Variants in CLEC18A observed in about 807,000 individuals in gnomAD.
CLEC18A encodes the protein C-type lectin domain family 18 member A.
CLEC18A carries 5 observed loss-of-function variants against 24.0 expected under a neutral mutation model. The ratio of observed to expected loss-of-function variants is 0.21; its 90% CI spans 0.11 to 0.44. The LOEUF is 0.44. CLEC18A is among the 20% of genes least tolerant of loss of function. The pLI is 0.99. For synonymous variants in CLEC18A, 29 were observed against 100.1 expected, an observed-to-expected ratio of 0.29 and a Z score of 4.24; for missense variants, 83 against 233.4, an observed-to-expected ratio of 0.36 and a Z score of 4.20.
chr16:69,945,019 A>T, the CLEC18A span, among the ~76,000 whole-genome samples: 2 of 146,058 alleles, frequency 1.4e-5, no homozygotes, highest in Non-Finnish European at 3.0e-5. Context: ...GTGCATGCCC[A>T]TAGTCCCAAC....
At chr16:69,958,800 A>T in intron 3 of CLEC18A, 142 bp from the exon 4 acceptor site, 1 of 295,420 alleles carries the variant, frequency 3.4e-6, no homozygotes, top group Middle Eastern at 1.0e-3. Flanking sequence ...CCATGCTTCT[A>T]CCCCTGCCCA....
At chr16:69,945,185 G>A in the CLEC18A span, among the ~76,000 whole-genome samples, 1 of 148,380 alleles carries the variant, frequency 6.7e-6, no homozygotes, top group African/African-American at 2.6e-5. Context: ...ACCTGCTCAG[G>A]AGGCTGAGGC....
chr16:69,958,684 A>G (rs2059060564), intron 3 of CLEC18A, among the ~76,000 whole-genome samples: 1 of 87,694 alleles, frequency 1.1e-5, no homozygotes, highest in Non-Finnish European at 2.0e-5. Context: ...GTGAGCCAAG[A>G]TCAGGCCATT....
chr16:69,964,606 T>G (rs1959300856), downstream of CLEC18A, among the ~76,000 whole-genome samples: 1 of 150,782 alleles, frequency 6.6e-6, no homozygotes, highest in African/African-American at 2.4e-5. Context: ...TTCACGCCAT[T>G]GTCCTGCCTC....
chr16:69,965,434 G>A (rs1959352723), downstream of CLEC18A, among the ~76,000 whole-genome samples: 2 of 152,008 alleles, frequency 1.3e-5, no homozygotes, highest in Admixed American at 1.3e-4. Context: ...GCGCCCGGAG[G>A]GGCCGCCCTG....
At chr16:69,964,646 C>G (rs1394266461), downstream of CLEC18A, among the ~76,000 whole-genome samples, 3 of 151,154 alleles carry the variant, frequency 2.0e-5, 1 homozygote, top group South Asian at 4.3e-4. Flanking sequence ...ACTACAGACG[C>G]CCGCCACCAC....
intron 3 of CLEC18A, among the ~76,000 whole-genome samples, chr16:69,955,283 G>C (rs1343361579): frequency 6.6e-6 from 1 of 151,774 alleles, no homozygotes; most frequent in African/African-American, 2.4e-5. Context: ...GATTACAGGC[G>C]TGAGCCACCA....
chr16:69,953,045 GA>G (rs1220989797), intron 2 of CLEC18A: 2 of 150,804 alleles, frequency 1.3e-5, no homozygotes, highest in African/African-American at 5.0e-5. Context: ...GGGACCCCAG[GA>G]GGGGCTGCGG....
downstream of CLEC18A, among the ~76,000 whole-genome samples, chr16:69,965,527 G>T (rs868835371): frequency 1.3e-5 from 2 of 151,072 alleles, no homozygotes; most frequent in Non-Finnish European, 2.9e-5. Context: ...CGGGGCGGCC[G>T]AGCCGAGACC....
intron 3 of CLEC18A, among the ~76,000 whole-genome samples, chr16:69,955,657 C>T (rs1375472243): frequency 2.0e-5 from 3 of 147,208 alleles, no homozygotes; most frequent in South Asian, 2.2e-4. Context: ...CAGCCTCAAA[C>T]GTAAATTTAA....
chr16:69,965,382 C>T (rs1394429579), downstream of CLEC18A, among the ~76,000 whole-genome samples: 2 of 152,024 alleles, frequency 1.3e-5, no homozygotes, highest in Non-Finnish European at 2.9e-5. Flanking sequence ...GCCTCTTCCT[C>T]CCGGACCCGG....
At chr16:69,948,428 G>T (rs1216876648), upstream of CLEC18A, among the ~76,000 whole-genome samples, 1 of 150,056 alleles carries the variant, frequency 6.7e-6, no homozygotes, top group African/African-American at 2.5e-5. Flanking sequence ...AAGATTTCAA[G>T]GCTTTAAAGA....
At chr16:69,955,272 G>T (rs1414098845) in intron 3 of CLEC18A, among the ~76,000 whole-genome samples, 1 of 152,072 alleles carries the variant, frequency 6.6e-6, no homozygotes, top group Non-Finnish European at 1.5e-5. Flanking sequence ...CAAAGTGCTG[G>T]GATTACAGGC....
upstream of CLEC18A, among the ~76,000 whole-genome samples, chr16:69,946,656 G>A (rs537969043): frequency 3.9e-3 from 589 of 149,556 alleles, 3 homozygotes; most frequent in African/African-American, 0.014. Context: ...CATCTGCCTC[G>A]GTCTCGGAAA....
At chr16:69,956,979 C>A (rs2059046006) in intron 3 of CLEC18A, among the ~76,000 whole-genome samples, 1 of 150,312 alleles carries the variant, frequency 6.7e-6, no homozygotes, top group South Asian at 2.2e-4. Flanking sequence ...GTTGGGATTA[C>A]AGGCTTGAGC....
chr16:69,965,474 G>A (rs1475075561), downstream of CLEC18A, among the ~76,000 whole-genome samples: 1 of 151,734 alleles, frequency 6.6e-6, no homozygotes, highest in Non-Finnish European at 1.5e-5. Flanking sequence ...GGTGACCCGG[G>A]CGCGCGCTGC....
chr16:69,965,391 G>A (rs1959348798), downstream of CLEC18A, among the ~76,000 whole-genome samples: 1 of 152,026 alleles, frequency 6.6e-6, no homozygotes, highest in Non-Finnish European at 1.5e-5. Context: ...TCCCGGACCC[G>A]GGACCCGCCC....
chr16:69,945,264 G>A, the CLEC18A span, among the ~76,000 whole-genome samples: 1 of 147,960 alleles, frequency 6.8e-6, no homozygotes, highest in African/African-American at 2.7e-5. Flanking sequence ...CTCCAGCCTG[G>A]GTGACAAAGT....
chr16:69,956,060 A>G (rs1401018059), intron 3 of CLEC18A, among the ~76,000 whole-genome samples: 1 of 152,100 alleles, frequency 6.6e-6, no homozygotes, highest in Non-Finnish European at 1.5e-5. Flanking sequence ...AGCCTGGGCC[A>G]CATGGCAAAA....
Sources: allele counts gnomAD v4.1 joint callset (sites outside exome capture counted in the v4.1 genomes callset), GRCh38; gene constraint gnomAD v4.1.1; transcripts MANE v1.5; gene names NCBI Gene and HGNC (gene_info 2026-07-23, HGNC 2026-07-21).